The following SEMA6A variants were observed in gnomAD, a reference collection of about 807,000 sequenced individuals.
SEMA6A encodes semaphorin 6A, also known as semaphorin-6A.
Under a neutral mutation model 96.8 loss-of-function variants are expected in SEMA6A, and 25 were observed. The observed-to-expected ratio is 0.26, with a 90% confidence interval of 0.19 to 0.36. SEMA6A has a LOEUF of 0.36. Among genes scored for constraint, SEMA6A ranks in the 10% least tolerant of loss-of-function variants. The pLI, the probability that SEMA6A is intolerant of heterozygous loss-of-function variation, is 1.00. For missense variants in SEMA6A, 1,363 were observed against 1,323.1 expected, an observed-to-expected ratio of 1.03 and a Z score of -0.47; for synonymous variants, 612 against 518.0, an observed-to-expected ratio of 1.18 and a Z score of -2.46.
chr5:116,535,212 G>A (rs1025592024), intron 1 of SEMA6A, among the ~76,000 whole-genome samples: 1 of 152,180 alleles, frequency 6.6e-6, no homozygotes, highest in Non-Finnish European at 1.5e-5. Flanking sequence ...GTGATGGTGG[G>A]GAGAGTTTTA....
intron 1 of SEMA6A, among the ~76,000 whole-genome samples, chr5:116,514,443 C>A (rs1000344672): frequency 6.6e-6 from 1 of 152,108 alleles, no homozygotes; most frequent in African/African-American, 2.4e-5. Flanking sequence ...CTGTTCATGT[C>A]CTTTACCCAC....
intron 1 of SEMA6A, among the ~76,000 whole-genome samples, chr5:116,565,212 A>G (rs1015220981): frequency 1.3e-5 from 2 of 152,202 alleles, no homozygotes; most frequent in Admixed American, 6.5e-5. Flanking sequence ...TGCACATAAC[A>G]AGGTCCAGGG....
chr5:116,535,525 A>C (rs1228350377), intron 1 of SEMA6A, among the ~76,000 whole-genome samples: 2 of 152,196 alleles, frequency 1.3e-5, no homozygotes, highest in Non-Finnish European at 2.9e-5. Flanking sequence ...TGATCAAGGT[A>C]ATACCACAGT....
chr5:116,519,673 ACACACACACACACACACACG>A lies in SEMA6A; in HGVS notation c.-38-14711_-38-14692del, dbSNP rs1350949563. On this transcript the variant is annotated intron_variant, in intron 1 of 18. Coordinates refer to ENST00000343348, the MANE Select transcript of SEMA6A (RefSeq NM_020796.5). ...ATAACGATGCTGTGTGTACACACAC[ACACACACACACACACACACG>A]CACACACATACATTATACATATAAT... 3.2e-3 allele frequency among the ~76,000 whole-genome samples: 486 copies of A among 149,856 alleles called. 3 individuals carry two copies. Among genetic ancestry groups the A allele is most frequent in the African/African-American group, 0.012 (482 of 39,364 alleles).
chr5:116,467,600 T>C lies in SEMA6A; in HGVS notation c.1877A>G (p.Asn626Ser). The C allele has an allele frequency of 1.9e-6, 3 of 1,612,744 alleles. No homozygotes were observed. Among genetic ancestry groups the C allele is most frequent in the Non-Finnish European group, 2.5e-6 (3 of 1,179,470 alleles). ...TDPLGAVSSH[N>S]HQDKKGVIRE... ...GGCCTTACCCTTCTTGTCTTGGTGA[T>C]TATGGGAAGACACTGCCCCCAAAGG... The change falls in exon 18 of 19, where the codon AAT (asparagine) becomes AGT (serine). Residue 626 changes from asparagine (N) to serine (S), a missense_variant. Transcript: ENST00000343348.
intron 18 of SEMA6A, among the ~76,000 whole-genome samples, chr5:116,462,321 A>C (rs1561470999): frequency 6.6e-6 from 1 of 152,198 alleles, no homozygotes; most frequent in Non-Finnish European, 1.5e-5. Context: ...GAAAAGGAGA[A>C]GGGTCAAGGG....
chr5:116,543,086 C>A (rs1042440380), intron 1 of SEMA6A, among the ~76,000 whole-genome samples: 4 of 152,122 alleles, frequency 2.6e-5, no homozygotes, highest in Non-Finnish European at 5.9e-5. Context: ...TTTTCTCTTT[C>A]AAGAAGATGT....
In SEMA6A at chr5:116,486,893, C is replaced by G; in HGVS notation, c.818G>C (p.Trp273Ser). ...GGSQRVLEKQ[W>S]TSFLKARLNC... ...CAAGCGCGCCTTCAGGAACGACGTC[C>G]ACTGTTTCTCCAGGACTCTTTGAGA... Residue 273 changes from tryptophan to serine, a missense_variant, in exon 10 of 19, where the codon TGG becomes TCG. Trp to Ser is a radical substitution (Grantham distance 177). Transcript: ENST00000343348. The G allele has an allele frequency of 6.2e-7, 1 of 1,613,852 alleles. No homozygotes were observed. The highest frequency in any genetic ancestry group is 8.5e-7 in the Non-Finnish European group (1 of 1,179,808).
chr5:116,543,950 T>G (rs1371838066), intron 1 of SEMA6A, among the ~76,000 whole-genome samples: 1 of 152,232 alleles, frequency 6.6e-6, no homozygotes, highest in Non-Finnish European at 1.5e-5. Flanking sequence ...TAAAATACAT[T>G]TGCAAGGTCT....
At chr5:116,541,477 A>C (rs927134276) in intron 1 of SEMA6A, among the ~76,000 whole-genome samples, 1 of 152,222 alleles carries the variant, frequency 6.6e-6, no homozygotes, top group African/African-American at 2.4e-5. Context: ...GGTCACTCAC[A>C]CAAGTTCATT....
rs1383939137 is a variant in SEMA6A, at chr5:116,486,764, G to GA, written c.946dup (p.Ser316PhefsTer5). ...GCATGATTACCTGTTATAAGGTGTA[G>GA]AAAACGTTGCCAGGACAACATCACG... On this transcript the variant is annotated frameshift_variant, in exon 10 of 19. Transcript: ENST00000343348. LOFTEE classifies it high-confidence loss of function. 1 of 1,613,696 alleles carries GA rather than the reference G, an allele frequency of 6.2e-7. No individual in the cohort carries two copies. Among genetic ancestry groups the GA allele is most frequent in the South Asian group, 1.1e-5 (1 of 91,080 alleles).
intron 5 of SEMA6A, chr5:116,495,756 AAAGG>A: frequency 4.6e-6 from 2 of 436,690 alleles, no homozygotes; most frequent in South Asian, 5.9e-5. Flanking sequence ...TTATGTCACA[AAAGG>A]AAGGCAAGCC....
rs375596937 is a variant in SEMA6A, at chr5:116,447,485, T to C, written c.2221A>G (p.Met741Val). 1.2e-5 allele frequency: 19 copies of C among 1,613,946 alleles called. No individual in the cohort carries two copies. Among genetic ancestry groups the C allele is most frequent in the Admixed American group, 1.7e-5 (1 of 60,006 alleles). Reference protein sequence around the residue: ...KLATPGNTAKMLIKADQHHLD... With the variant: ...KLATPGNTAKVLIKADQHHLD... The stretch of plus-strand genomic sequence containing the variant: ...TGGTGCTGGTCTGCTTTAATGAGCA[T>C]CTTGGCCGTGTTGCCGGGAGTGGCG... The change falls in exon 19 of 19, where the codon ATG (methionine) becomes GTG (valine). Residue 741 changes from methionine (M) to valine (V), a missense_variant. Met to Val is a conservative substitution (Grantham distance 21). Transcript: ENST00000343348.
chr5:116,494,321 C>CT (rs1757471784), intron 6 of SEMA6A, among the ~76,000 whole-genome samples: 1 of 152,192 alleles, frequency 6.6e-6, no homozygotes, highest in Non-Finnish European at 1.5e-5. Flanking sequence ...TCTCCTTACC[C>CT]TTTAAGACAA....
intron 1 of SEMA6A, among the ~76,000 whole-genome samples, chr5:116,510,121 C>T (rs1049757170): frequency 1.3e-5 from 2 of 152,018 alleles, no homozygotes; most frequent in African/African-American, 4.8e-5. Flanking sequence ...GTTCATCAAG[C>T]GAGAGCAAAG....
At chr5:116,502,140 A>G in intron 3 of SEMA6A, 70 bp downstream of exon 3, 2 of 1,163,800 alleles carry the variant, frequency 1.7e-6, no homozygotes, top group East Asian at 2.4e-5. Flanking sequence ...AAAATAATGC[A>G]TAGCTGGTAA....
chr5:116,505,451 ACG>A (rs10567594), intron 1 of SEMA6A, among the ~76,000 whole-genome samples: 33,070 of 141,954 alleles, frequency 0.23, 3,873 homozygotes, highest in Admixed American at 0.3. Flanking sequence ...ACACAGACAC[ACG>A]CACGCGCACA....
At chr5:116,457,349 C>T (rs895248078) in intron 18 of SEMA6A, among the ~76,000 whole-genome samples, 7 of 152,138 alleles carry the variant, frequency 4.6e-5, no homozygotes, top group Admixed American at 2.6e-4. Context: ...CTATAAATTT[C>T]TCGACACCAT....
Position 116,489,031 on chromosome 5 carries a change from G to C in SEMA6A, c.536-24C>G, listed in dbSNP as rs1445313840. Reference sequence around the variant, plus strand: ...ATCTTAGAAGAAAAAGAAAAGAGGTGAACAGGGTGGGAGCAAGTCAGTGGG... The same window carrying C: ...ATCTTAGAAGAAAAAGAAAAGAGGTCAACAGGGTGGGAGCAAGTCAGTGGG... On this transcript the variant is annotated intron_variant, in intron 7 of 18. Coordinates refer to ENST00000343348, the MANE Select transcript of SEMA6A (RefSeq NM_020796.5). The C allele has an allele frequency of 1.9e-6, 3 of 1,549,640 alleles. No homozygotes were observed. The South Asian group carries it at 3.6e-5, about 19-fold the overall frequency.
Sources: gnomAD v4.1 joint callset for allele counts (sites outside exome capture counted in the v4.1 genomes callset) on GRCh38, gnomAD v4.1.1 for gene constraint, MANE v1.5 for transcripts, NCBI Gene and HGNC (gene_info 2026-07-23, HGNC 2026-07-21) for gene names.